The following RFX5 variants were observed in gnomAD, a reference collection of about 807,000 sequenced individuals.
RFX5 encodes the protein DNA-binding protein RFX5.
Under a neutral mutation model 41.2 loss-of-function variants are expected in RFX5, and 30 were observed. The observed-to-expected ratio is 0.73, with a 90% CI of 0.54 to 0.99. The LOEUF is 0.99. Ranked by LOEUF, RFX5 falls within the 50% of genes least tolerant of loss-of-function variation. The pLI is 0.00. For missense variants in RFX5, 715 were observed against 773.6 expected, an observed-to-expected ratio of 0.92 and a Z score of 0.90; for synonymous variants, 231 against 291.8, an observed-to-expected ratio of 0.79 and a Z score of 2.12.
At position 151,343,114 on chromosome 1, in the gene RFX5, C is replaced by G. The variant is rs371591077; in HGVS notation, c.923G>C (p.Ser308Thr). 6.2e-7 allele frequency: 1 copy of G among 1,612,760 alleles called. No individual in the cohort carries two copies. Among genetic ancestry groups the G allele is most frequent in the Non-Finnish European group, 8.5e-7 (1 of 1,180,022 alleles). The change falls in exon 11 of 11, where the codon AGT becomes ACT. Residue 308 changes from serine to threonine, a missense_variant. Transcript: ENST00000452671. The part of the protein sequence containing the change: ...GPLARGERKK[S>T]VVESSAPGAN... Reference sequence around the variant, plus strand: ...TCCTGGGGCCGAGCTCTCAACTACACTCTTCTTCCGCTCTCCACGTGCGAG... The same window carrying G: ...TCCTGGGGCCGAGCTCTCAACTACAGTCTTCTTCCGCTCTCCACGTGCGAG...
In RFX5 at chr1:151,342,375, TGCTTCTTTG is replaced by T; in HGVS notation, c.1653_1661del (p.Lys552_Ala554del). Reference sequence around the variant, plus strand: ...AGGGGACCAAGGGAATTTTATCTTCTGCTTCTTTGGTATGCTGGGAACCGGGGCCCCTTC... The same window carrying T: ...AGGGGACCAAGGGAATTTTATCTTCTGTATGCTGGGAACCGGGGCCCCTTC... On this transcript the variant is annotated inframe_deletion, in exon 11 of 11. Coordinates refer to ENST00000452671, the MANE Select transcript of RFX5 (RefSeq NM_001025603.2). 1 of 1,614,204 alleles carries T rather than the reference TGCTTCTTTG, an allele frequency of 6.2e-7. No homozygotes were observed.
At chr1:151,343,529 G>T in intron 9 of RFX5, 87 bp from the exon 10 acceptor site, 1 of 1,438,114 alleles carries the variant, frequency 7.0e-7, no homozygotes, top group Non-Finnish European at 9.7e-7. Flanking sequence ...TGACTGACTG[G>T]TAGAGACAGG....
chr1:151,347,091 T>TTGCCCCTCCCTACCTC (rs1651159813), intron 1 of RFX5, 120 bp downstream of exon 1: 1 of 152,338 alleles, frequency 6.6e-6, no homozygotes, highest in Non-Finnish European at 1.5e-5. Flanking sequence ...GAAGAAGCTG[T>TTGCCCCTCCCTACCTC]TGAAAATACA....
At chr1:151,345,649 T>G (rs1557834620) in intron 4 of RFX5, among the ~76,000 whole-genome samples, 1 of 151,070 alleles carries the variant, frequency 6.6e-6, no homozygotes, top group Admixed American at 6.6e-5. Context: ...TATTTGATGC[T>G]AGGTGCTCTG....
At position 151,343,724 on chromosome 1, in the gene RFX5, G is replaced by C; in HGVS notation, c.714C>G (p.Ala238=). 6.2e-7 allele frequency: 1 copy of C among 1,614,048 alleles called. No individual in the cohort carries two copies. Among genetic ancestry groups the C allele is most frequent in the African/African-American group, 1.3e-5 (1 of 74,988 alleles). ...TAAGCACATGGGCATGTGCAGATCG[G>C]GCAGAGATGAGATGCTGCTGTAGCA... is the stretch of plus-strand genomic sequence containing the variant. ...RFLLQQHLIS[A]RSAHAHVLKA... is the part of the protein sequence containing the mutation. The change falls in exon 9 of 11, where the codon GCC becomes GCG. Residue 238 remains alanine (A), a synonymous_variant. Transcript: ENST00000452671.
At chr1:151,346,005 C>T (rs1434404209) in intron 3 of RFX5, 44 bp from the exon 4 acceptor site, 4 of 1,613,944 alleles carry the variant, frequency 2.5e-6, no homozygotes, top group East Asian at 2.2e-5. Context: ...ACAAGATTTT[C>T]CCTGTCTCTT....
At chr1:151,344,312 G>T in intron 7 of RFX5, 34 bp from the exon 8 acceptor site, 1 of 1,613,614 alleles carries the variant, frequency 6.2e-7, no homozygotes, top group South Asian at 1.1e-5. Context: ...AACACATGGC[G>T]ATCTCCAAGC....
Position 151,342,384 on chromosome 1 carries a change from G to C in RFX5, c.1653C>G (p.Thr551=). 1 of 1,614,078 alleles carries C rather than the reference G, an allele frequency of 6.2e-7. No individual in the cohort carries two copies. The highest frequency in any genetic ancestry group is 8.5e-7 in the Non-Finnish European group (1 of 1,180,020). Residue 551 remains threonine (T), a synonymous_variant, in exon 11 of 11, where the codon ACC becomes ACG. Transcript: ENST00000452671. Reference sequence around the variant, plus strand: ...AGGGAATTTTATCTTCTGCTTCTTTGGTATGCTGGGAACCGGGGCCCCTTC... The same window carrying C: ...AGGGAATTTTATCTTCTGCTTCTTTCGTATGCTGGGAACCGGGGCCCCTTC... The part of the protein sequence containing the change: ...KGGRGPGSQH[T]KEAEDKIPLV...
At position 151,345,915 on chromosome 1, in the gene RFX5, C is replaced by A. The variant is rs199965973; in HGVS notation, c.150+13G>T. 1.2e-5 allele frequency: 20 copies of A among 1,614,028 alleles called. No individual in the cohort carries two copies. The highest frequency in any genetic ancestry group is 1.5e-5 in the Non-Finnish European group (18 of 1,180,006). On this transcript the variant is annotated intron_variant, in intron 4 of 10. Transcript: ENST00000452671. ...TTCCATCCCTCTCTTGCCCTCTTCCCCAACACACTTACCAGGATCCCCTCT... is the reference window on the plus strand; with the variant it reads ...TTCCATCCCTCTCTTGCCCTCTTCCACAACACACTTACCAGGATCCCCTCT...
intron 8 of RFX5, 79 bp downstream of exon 8, chr1:151,344,118 G>C: frequency 7.2e-7 from 1 of 1,380,246 alleles, no homozygotes; most frequent in Non-Finnish European, 1.0e-6. Context: ...GAGGCTGTTA[G>C]CCCTCAAAAC....
Position 151,346,523 on chromosome 1 carries a change from G to A in RFX5, c.-48C>T. The A allele has an allele frequency of 7.0e-6, 4 of 568,972 alleles. No homozygotes were observed. Among genetic ancestry groups the A allele is most frequent in the South Asian group, 2.0e-5 (1 of 49,866 alleles). 35.2% of individuals were successfully genotyped at this position (568,972 alleles called of 1,614,324 possible). On this transcript the variant is annotated 5_prime_UTR_variant, in exon 2 of 11. Coordinates refer to ENST00000452671, the MANE Select transcript of RFX5 (RefSeq NM_001025603.2). ...AAATTAGAAATTATTCCATTACTTCGCCAGGCCCATATATGCCCAAAGAGA... is the reference window on the plus strand; with the variant it reads ...AAATTAGAAATTATTCCATTACTTCACCAGGCCCATATATGCCCAAAGAGA...
rs1752387 is a variant in RFX5 at position 151,341,903 on chromosome 1, T to C, written c.*283A>G. 0.76 allele frequency: 460,572 copies of C among 602,896 alleles called. 177,146 individuals carry two copies. Among genetic ancestry groups the C allele is most frequent in the Middle Eastern group, 0.84 (2,296 of 2,732 alleles). The allele number at this position is 602,896 out of a possible 1,614,324, so 37.3% of individuals were successfully genotyped here. ...AAAACCAAAAGATCCCTAACCTATA[T>C]ATTCATCATACTTAGCCCATTCCTA... On this transcript the variant is annotated 3_prime_UTR_variant, in exon 11 of 11. Coordinates refer to ENST00000452671, the MANE Select transcript of RFX5 (RefSeq NM_001025603.2).
Position 151,341,176 on chromosome 1 carries a change from A to C in RFX5, c.*1010T>G, listed in dbSNP as rs1242947241. 1 of 152,240 alleles carries C rather than the reference A, an allele frequency of 6.6e-6. No individual in the cohort carries two copies. The highest frequency in any genetic ancestry group is 1.5e-5 in the Non-Finnish European group (1 of 68,066). The allele number at this position is 152,240 out of a possible 1,614,324, so 9.4% of individuals were successfully genotyped here. ...AAATTAAGAAACAGGAAAAGGAAGGAGCTCCATCTCTAATATGGAGGTAGA... is the reference window on the plus strand; with the variant it reads ...AAATTAAGAAACAGGAAAAGGAAGGCGCTCCATCTCTAATATGGAGGTAGA... On this transcript the variant is annotated 3_prime_UTR_variant, in exon 11 of 11. Transcript: ENST00000452671.
At chr1:151,345,795 A>G (rs955856907) in intron 4 of RFX5, 133 bp downstream of exon 4, 98 of 1,329,882 alleles carry the variant, frequency 7.4e-5, no homozygotes, top group Non-Finnish European at 9.8e-5. Context: ...CAAGTTTGCA[A>G]AGCCAACTAT....
rs369304906 is a variant in RFX5, at chr1:151,344,553, C to A, written c.354-17G>T. The A allele has an allele frequency of 6.2e-7, 1 of 1,614,112 alleles. No individual in the cohort carries two copies. The highest frequency in any genetic ancestry group is 1.7e-5 in the Admixed American group (1 of 60,014). The stretch of plus-strand genomic sequence containing the variant: ...CAGTACTTCCTGAGTGAGAGGGGAG[C>A]AGAGTGGGAAGATACTCAGAGAAGG... On this transcript the variant is annotated splice_polypyrimidine_tract_variant and intron_variant, in intron 6 of 10. Coordinates refer to ENST00000452671, the MANE Select transcript of RFX5 (RefSeq NM_001025603.2).
At chr1:151,343,989 G>T in intron 8 of RFX5, 107 bp from the exon 9 acceptor site, 1 of 1,257,394 alleles carries the variant, frequency 8.0e-7, no homozygotes, top group Non-Finnish European at 1.1e-6. Flanking sequence ...CCAGACTGGG[G>T]ATGGGAGTAG....
In RFX5 at chr1:151,343,110, T is replaced by C. The variant is rs1439767399; in HGVS notation, c.927A>G (p.Val309=). ...PLARGERKKS[V]VESSAPGANN... ...TGGCTCCTGGGGCCGAGCTCTCAACTACACTCTTCTTCCGCTCTCCACGTG... is the reference window on the plus strand; with the variant it reads ...TGGCTCCTGGGGCCGAGCTCTCAACCACACTCTTCTTCCGCTCTCCACGTG... Residue 309 remains valine (V), a synonymous_variant, in exon 11 of 11, where the codon GTA becomes GTG. Transcript: ENST00000452671. The C allele has an allele frequency of 6.2e-7, 1 of 1,612,876 alleles. No homozygotes were observed. Among genetic ancestry groups the C allele is most frequent in the African/African-American group, 1.3e-5 (1 of 75,040 alleles).
chr1:151,341,641 A>G lies in RFX5; in HGVS notation c.*545T>C, dbSNP rs1170049817. 1 of 234,978 alleles carries G rather than the reference A, an allele frequency of 4.3e-6. No individual in the cohort carries two copies. The highest frequency in any genetic ancestry group is 8.5e-6 in the Non-Finnish European group (1 of 117,484). 14.6% of individuals were successfully genotyped at this position (234,978 alleles called of 1,614,324 possible). On this transcript the variant is annotated 3_prime_UTR_variant, in exon 11 of 11. Coordinates refer to ENST00000452671, the MANE Select transcript of RFX5 (RefSeq NM_001025603.2). ...AAAGATGCCTTCTTTTTCTGATTGGACATAAATGGGGAAAAGTGTAATCTT... is the reference window on the plus strand; with the variant it reads ...AAAGATGCCTTCTTTTTCTGATTGGGCATAAATGGGGAAAAGTGTAATCTT...
Position 151,345,163 on chromosome 1 carries a change from T to C in RFX5, c.176A>G (p.Asn59Ser), listed in dbSNP as rs1241576993. The C allele has an allele frequency of 6.2e-7, 1 of 1,613,998 alleles. No individual in the cohort carries two copies. Among genetic ancestry groups the C allele is most frequent in the Non-Finnish European group, 8.5e-7 (1 of 1,179,898 alleles). Residue 59 changes from asparagine (N) to serine (S), a missense_variant, in exon 5 of 11, where the codon AAT becomes AGT. By Grantham distance (46) the Asn-to-Ser change is conservative (BLOSUM62 1). Coordinates refer to ENST00000452671, the MANE Select transcript of RFX5 (RefSeq NM_001025603.2). ...CTGAAGGTAGAGATACAGCTTGTCA[T>C]TGTCAGAAAATTTCTGTACATCTTG... ...ILQDVQKFSD[N>S]DKLYLYLQLP... is the part of the protein sequence containing the mutation.
Sources: gnomAD v4.1 joint callset for allele counts (sites outside exome capture counted in the v4.1 genomes callset) on GRCh38, gnomAD v4.1.1 for gene constraint, MANE v1.5 for transcripts, NCBI Gene and HGNC (gene_info 2026-07-23, HGNC 2026-07-21) for gene names.